The following KLHL7 variants were observed in gnomAD, a reference collection of about 807,000 sequenced individuals.
KLHL7 encodes kelch like family member 7.
Under a neutral mutation model 67.4 loss-of-function variants are expected in KLHL7, and 44 were observed. The observed-to-expected ratio is 0.65, with a 90% CI of 0.51 to 0.84. The LOEUF (loss-of-function observed/expected upper bound fraction) is 0.84, where lower values mean the gene tolerates loss of function less well. Ranked by LOEUF, KLHL7 falls within the 40% of genes least tolerant of loss-of-function variation. The pLI is 0.00. For missense variants in KLHL7, 362 were observed against 718.1 expected (o/e 0.50, Z 5.67); for synonymous variants, 252 against 243.3 (o/e 1.04, Z -0.33).
chr7:23,173,047 T>A lies in KLHL7; in HGVS notation c.1477+2T>A. ...CTGTGGGTGGTCAGAATGGTTTAGGTATGTGATGTTAATTCACTGTTCCAC... is the reference window on the plus strand; with the variant it reads ...CTGTGGGTGGTCAGAATGGTTTAGGAATGTGATGTTAATTCACTGTTCCAC... On this transcript the variant is annotated splice_donor_variant, in intron 10 of 10. Transcript: ENST00000339077. LOFTEE classifies it high-confidence loss of function. 1 of 1,601,018 alleles carries A rather than the reference T, an allele frequency of 6.2e-7. No individual in the cohort carries two copies. Among genetic ancestry groups the A allele is most frequent in the Non-Finnish European group, 8.6e-7 (1 of 1,168,114 alleles).
intron 1 of KLHL7, among the ~76,000 whole-genome samples, chr7:23,116,243 C>T (rs1018269244): frequency 6.6e-6 from 1 of 152,224 alleles, no homozygotes; most frequent in Non-Finnish European, 1.5e-5. Flanking sequence ...CTTTCCTCTC[C>T]ATTTGTCTCA....
chr7:23,109,009 C>G (rs1782757742), intron 1 of KLHL7, among the ~76,000 whole-genome samples: 1 of 152,182 alleles, frequency 6.6e-6, no homozygotes, highest in Non-Finnish European at 1.5e-5. Context: ...TTTGTACATG[C>G]CTTTTGGTAT....
At chr7:23,152,813 T>G (rs1389831038) in intron 7 of KLHL7, among the ~76,000 whole-genome samples, 1 of 152,150 alleles carries the variant, frequency 6.6e-6, no homozygotes, top group African/African-American at 2.4e-5. Context: ...CCACTCACAT[T>G]TCTACTCCTT....
chr7:23,111,914 G>A (rs1454831749), intron 1 of KLHL7, among the ~76,000 whole-genome samples: 1 of 151,356 alleles, frequency 6.6e-6, no homozygotes, highest in Admixed American at 6.6e-5. Flanking sequence ...CAAATAGGAA[G>A]CTGTAGTGGT....
Position 23,174,137 on chromosome 7 carries a change from G to T in KLHL7, c.1600G>T (p.Ala534Ser). The change falls in exon 11 of 11, where the codon GCT becomes TCT. Residue 534 changes from alanine (A) to serine (S), a missense_variant. Ala to Ser is a moderately conservative substitution (Grantham distance 99). Transcript: ENST00000339077. Reference sequence around the variant, plus strand: ...AGTTGGCTCTATAGTTTATGTCTTGGCTGGTTTTCAGGGTGTTGGTCGATT... The same window carrying T: ...AGTTGGCTCTATAGTTTATGTCTTGTCTGGTTTTCAGGGTGTTGGTCGATT... ...AAVGSIVYVLAGFQGVGRLGH... is the reference protein window; with the variant it reads ...AAVGSIVYVLSGFQGVGRLGH... 6.2e-7 allele frequency: 1 copy of T among 1,614,150 alleles called. No homozygotes were observed. Among genetic ancestry groups the T allele is most frequent in the Non-Finnish European group, 8.5e-7 (1 of 1,179,998 alleles).
At chr7:23,141,085 T>C in intron 5 of KLHL7, 141 bp downstream of exon 5, 1 of 803,120 alleles carries the variant, frequency 1.2e-6, no homozygotes, top group Admixed American at 2.1e-5. Context: ...TATTGTAATC[T>C]TAGGTGCTTG....
intron 7 of KLHL7, among the ~76,000 whole-genome samples, chr7:23,159,925 T>C (rs1784812834): frequency 6.6e-6 from 1 of 152,198 alleles, no homozygotes; most frequent in African/African-American, 2.4e-5. Context: ...CTTTTTTCCT[T>C]TCTTTGCTCT....
At chr7:23,138,826 A>G (rs2128463944) in intron 4 of KLHL7, among the ~76,000 whole-genome samples, 1 of 152,172 alleles carries the variant, frequency 6.6e-6, no homozygotes, top group East Asian at 1.9e-4. Context: ...ATGAGCCACC[A>G]TGAAGATGTA....
At chr7:23,169,554 A>G (rs1206909224) in intron 9 of KLHL7, among the ~76,000 whole-genome samples, 2 of 152,120 alleles carry the variant, frequency 1.3e-5, no homozygotes, top group African/African-American at 2.4e-5. Context: ...ATTATTTTTT[A>G]TTTCTAAAAA....
chr7:23,165,180 A>G (rs1187894913), intron 7 of KLHL7, among the ~76,000 whole-genome samples: 1 of 152,216 alleles, frequency 6.6e-6, no homozygotes, highest in Non-Finnish European at 1.5e-5. Flanking sequence ...AGCTGACTAC[A>G]TTGGCTCAAC....
chr7:23,109,055 C>G (rs1782759879), intron 1 of KLHL7, among the ~76,000 whole-genome samples: 1 of 152,146 alleles, frequency 6.6e-6, no homozygotes, highest in Admixed American at 6.5e-5. Flanking sequence ...TTGGGAAATA[C>G]CAAACAGGAA....
At chr7:23,140,585 A>C in intron 4 of KLHL7, 184 bp from the exon 5 acceptor site, 1 of 682,888 alleles carries the variant, frequency 1.5e-6, no homozygotes, top group Non-Finnish European at 2.6e-6. Flanking sequence ...AAACAAAAAA[A>C]AAACCAGTCT....
At chr7:23,121,828 G>A (rs1562556785) in intron 1 of KLHL7, among the ~76,000 whole-genome samples, 1 of 151,154 alleles carries the variant, frequency 6.6e-6, no homozygotes, top group East Asian at 2.0e-4. Flanking sequence ...GACTACAGGT[G>A]CCCACCACCA....
chr7:23,148,187 T>G (rs1784418407), intron 6 of KLHL7, among the ~76,000 whole-genome samples: 1 of 152,224 alleles, frequency 6.6e-6, no homozygotes, highest in South Asian at 2.1e-4. Flanking sequence ...TGCAATGTTC[T>G]ATAGTTACTA....
At position 23,152,288 on chromosome 7, in the gene KLHL7, G is replaced by A. The variant is rs1784561775; in HGVS notation, c.936+79G>A. 1.0e-5 allele frequency: 13 copies of A among 1,252,274 alleles called. No individual in the cohort carries two copies. The South Asian group carries it at 1.6e-4, about 15-fold the overall frequency. 77.6% of individuals were successfully genotyped at this position (1,252,274 alleles called of 1,614,324 possible). A position where few individuals can be genotyped will look rare whatever the true frequency, so the allele number is the denominator to read the frequency against. ...ATAAGACACTCACCAACTAGAAGTAGTAATAACTCATACCTTTAGAGATGA... is the reference window on the plus strand; with the variant it reads ...ATAAGACACTCACCAACTAGAAGTAATAATAACTCATACCTTTAGAGATGA... On this transcript the variant is annotated intron_variant, in intron 7 of 10. Transcript: ENST00000339077.
chr7:23,110,426 G>A (rs1782817798), intron 1 of KLHL7, among the ~76,000 whole-genome samples: 1 of 152,074 alleles, frequency 6.6e-6, no homozygotes, highest in Non-Finnish European at 1.5e-5. Flanking sequence ...TCTTTGTTGA[G>A]CATCTTTAAC....
At chr7:23,133,308 C>T (rs1042014099) in intron 4 of KLHL7, among the ~76,000 whole-genome samples, 1 of 152,060 alleles carries the variant, frequency 6.6e-6, no homozygotes, top group Non-Finnish European at 1.5e-5. Flanking sequence ...GTGTCTTCTT[C>T]AATTTCTTTT....
Position 23,106,328 on chromosome 7 carries a change from C to T in KLHL7, c.120+182C>T, listed in dbSNP as rs995796433. 6 of 1,456,380 alleles carry T rather than the reference C, an allele frequency of 4.1e-6. No individual in the cohort carries two copies. The African/African-American group carries it at 5.7e-5, about 14-fold the overall frequency. The allele number at this position is 1,456,380 out of a possible 1,614,324, so 90.2% of individuals were successfully genotyped here. ...GTAGAGGGGCGCGTAAAACAATTCT[C>T]GAGCAAAAGTGCTTCTCGTCTGCCG... On this transcript the variant is annotated intron_variant, in intron 1 of 10. Transcript: ENST00000339077.
intron 5 of KLHL7, among the ~76,000 whole-genome samples, 196 bp downstream of exon 5, chr7:23,141,140 C>T (rs987416075): frequency 6.6e-6 from 1 of 152,176 alleles, no homozygotes; most frequent in African/African-American, 2.4e-5. Context: ...AGAGATAAAG[C>T]CATTGGGTAC....
Sources: gnomAD v4.1 joint callset for allele counts (sites outside exome capture counted in the v4.1 genomes callset) on GRCh38, gnomAD v4.1.1 for gene constraint, MANE v1.5 for transcripts, NCBI Gene and HGNC (gene_info 2026-07-23, HGNC 2026-07-21) for gene names.